Variants in NPAS3 observed in about 807,000 individuals in gnomAD.
The protein encoded by NPAS3 is neuronal PAS domain-containing protein 3.
NPAS3 carries 14 observed loss-of-function variants against 73.1 expected under a neutral mutation model. That is an observed-to-expected ratio of 0.19 (90% CI 0.13 to 0.30). The LOEUF (loss-of-function observed/expected upper bound fraction) is 0.30. Among genes scored for constraint, NPAS3 ranks in the 10% least tolerant of loss-of-function variants. NPAS3 has a pLI of 1.00. For synonymous variants in NPAS3, 620 were observed against 541.5 expected (o/e 1.14, Z -2.01); for missense variants, 1,096 against 1,250.0 (o/e 0.88, Z 1.86).
chr14:33,462,117 A>G (rs923085129), intron 4 of NPAS3, among the ~76,000 whole-genome samples: 1 of 152,236 alleles, frequency 6.6e-6, no homozygotes, highest in African/African-American at 2.4e-5. Flanking sequence ...ACAGGAAGTT[A>G]GTCCACAAGA....
intron 4 of NPAS3, among the ~76,000 whole-genome samples, chr14:33,450,345 A>G (rs897620648): frequency 3.3e-5 from 5 of 152,224 alleles, no homozygotes; most frequent in African/African-American, 1.2e-4. Flanking sequence ...TATAAAAGCA[A>G]TCTGTATTCA....
chr14:33,759,721 A>G (rs897356038), intron 7 of NPAS3, among the ~76,000 whole-genome samples: 1 of 152,178 alleles, frequency 6.6e-6, no homozygotes, highest in Non-Finnish European at 1.5e-5. Context: ...GATTGTCATT[A>G]TTTACCTGGC....
At chr14:33,781,030 C>G (rs2062963336) in intron 9 of NPAS3, among the ~76,000 whole-genome samples, 1 of 152,096 alleles carries the variant, frequency 6.6e-6, no homozygotes, top group Non-Finnish European at 1.5e-5. Flanking sequence ...ATAGAATGAG[C>G]TGATAATTCT....
chr14:33,146,070 G>A (rs746447760), intron 2 of NPAS3, among the ~76,000 whole-genome samples: 3 of 152,028 alleles, frequency 2.0e-5, no homozygotes, highest in African/African-American at 7.3e-5. Context: ...TTAGAGCATT[G>A]CCTAATATAT....
At chr14:33,538,795 C>T (rs2054371165) in intron 4 of NPAS3, among the ~76,000 whole-genome samples, 2 of 152,056 alleles carry the variant, frequency 1.3e-5, no homozygotes, top group South Asian at 2.1e-4. Flanking sequence ...TGTAATGCAA[C>T]CTTAAGACAG....
intron 5 of NPAS3, among the ~76,000 whole-genome samples, chr14:33,653,825 C>A (rs1448366442): frequency 6.6e-6 from 1 of 152,196 alleles, no homozygotes; most frequent in Admixed American, 6.5e-5. Flanking sequence ...TGAAACACTG[C>A]ATGATTGGAA....
rs376507172 is a variant in NPAS3, at chr14:33,644,857, C to T, written c.559-31354C>T. Among the ~76,000 whole-genome samples, 62 of 152,026 alleles carry T rather than the reference C, an allele frequency of 4.1e-4. No homozygotes were observed. The East Asian group carries it at 0.01, about 25-fold the overall frequency. On this transcript the variant is annotated intron_variant, in intron 5 of 11. Coordinates refer to ENST00000356141, the Ensembl canonical transcript of NPAS3. ...CAGCACTTTGAGAGGCAGAGGCGGG[C>T]GGATCACAAGGTCAGGGGTTTGAGA...
intron 10 of NPAS3, 62 bp from the exon 11 acceptor site, chr14:33,797,395 T>C (rs1595634708): frequency 1.3e-6 from 2 of 1,568,592 alleles, no homozygotes; most frequent in Non-Finnish European, 1.7e-6. Context: ...GGGGAGAAGA[T>C]GGTCCAAACA....
chr14:33,801,151 A>AGGCATCGTCGGCATTTT, downstream of NPAS3: 1 of 1,537,866 alleles, frequency 6.5e-7, no homozygotes, highest in Non-Finnish European at 8.7e-7. Flanking sequence ...CGCTTGGAGG[A>AGGCATCGTCGGCATTTT]GGCATCGTCG....
chr14:33,066,915 G>A (rs938289226), intron 2 of NPAS3, among the ~76,000 whole-genome samples: 3 of 152,130 alleles, frequency 2.0e-5, no homozygotes, highest in Non-Finnish European at 2.9e-5. Flanking sequence ...GCTGAAATCC[G>A]GAGAAAAGGA....
chr14:33,348,308 A>G (rs1330110182), intron 3 of NPAS3, among the ~76,000 whole-genome samples: 1 of 152,190 alleles, frequency 6.6e-6, no homozygotes, highest in Non-Finnish European at 1.5e-5. Flanking sequence ...AGCACCAGCA[A>G]AAATGAGGGT....
At chr14:33,489,799 A>T (rs2051800051) in intron 4 of NPAS3, among the ~76,000 whole-genome samples, 2 of 152,108 alleles carry the variant, frequency 1.3e-5, no homozygotes, top group South Asian at 4.1e-4. Flanking sequence ...TTTCCTGCTG[A>T]GTGGTACATG....
intron 9 of NPAS3, among the ~76,000 whole-genome samples, chr14:33,781,933 G>T (rs1325799595): frequency 6.6e-6 from 1 of 152,148 alleles, no homozygotes; most frequent in Non-Finnish European, 1.5e-5. Flanking sequence ...ATTGAACCAA[G>T]AACTTTAGAG....
intron 2 of NPAS3, among the ~76,000 whole-genome samples, chr14:33,090,751 A>C (rs2042196987): frequency 6.6e-6 from 1 of 152,198 alleles, no homozygotes; most frequent in South Asian, 2.1e-4. Flanking sequence ...TTTGGAAGTA[A>C]AGCACTCCTT....
At chr14:33,402,979 C>G (rs1446081066) in intron 4 of NPAS3, among the ~76,000 whole-genome samples, 2 of 152,082 alleles carry the variant, frequency 1.3e-5, no homozygotes, top group Non-Finnish European at 2.9e-5. Flanking sequence ...TGGTATCTTC[C>G]ATGCCTCTGT....
intron 5 of NPAS3, among the ~76,000 whole-genome samples, chr14:33,633,215 T>G (rs1246405074): frequency 6.6e-6 from 1 of 152,188 alleles, no homozygotes; most frequent in Non-Finnish European, 1.5e-5. Flanking sequence ...TTTGGTAATC[T>G]GCAGCAGGTC....
At chr14:33,460,828 A>T (rs1311585095) in intron 4 of NPAS3, among the ~76,000 whole-genome samples, 1 of 152,232 alleles carries the variant, frequency 6.6e-6, no homozygotes, top group Non-Finnish European at 1.5e-5. Context: ...GATTTACAGA[A>T]AAACCAGAGA....
chr14:33,161,169 G>A lies in NPAS3; in HGVS notation c.141-54013G>A, dbSNP rs188372452. On this transcript the variant is annotated intron_variant, in intron 2 of 11. Coordinates refer to ENST00000356141, the Ensembl canonical transcript of NPAS3. ...TATTCTTTAGATCTAAAGTCTAAAG[G>A]CATCTACCCAGATTAATTTTTTAAT... Among the ~76,000 whole-genome samples the A allele has an allele frequency of 2.6e-3, 392 of 152,232 alleles. 1 individual carries two copies. The highest frequency in any genetic ancestry group is 9.0e-3 in the African/African-American group (373 of 41,528).
intron 5 of NPAS3, among the ~76,000 whole-genome samples, chr14:33,562,044 G>A (rs2055674785): frequency 6.6e-6 from 1 of 152,148 alleles, no homozygotes; most frequent in Non-Finnish European, 1.5e-5. Context: ...GGCCATTTCA[G>A]TCAGTCCTCC....
Sources: allele counts gnomAD v4.1 joint callset (sites outside exome capture counted in the v4.1 genomes callset), GRCh38; gene constraint gnomAD v4.1.1; transcripts MANE v1.5; gene names NCBI Gene and HGNC (gene_info 2026-07-23, HGNC 2026-07-21).